Variants in HVCN1 observed in about 807,000 individuals in gnomAD.
HVCN1 encodes hydrogen voltage gated channel 1.
HVCN1 carries 14 observed loss-of-function variants against 29.2 expected under a neutral mutation model. The observed-to-expected ratio is 0.48, with a 90% CI of 0.32 to 0.75. The LOEUF (loss-of-function observed/expected upper bound fraction) is 0.75, where lower values mean the gene tolerates loss of function less well. Ranked by LOEUF, HVCN1 falls within the 30% of genes least tolerant of loss-of-function variation. HVCN1 has a pLI of 0.04. For missense variants in HVCN1, 263 were observed against 341.8 expected (o/e 0.77, Z 1.82); for synonymous variants, 131 against 133.2 (o/e 0.98, Z 0.11).
chr12:110,681,815 G>A (rs2068986777), intron 3 of HVCN1, among the ~76,000 whole-genome samples: 1 of 152,256 alleles, frequency 6.6e-6, no homozygotes, highest in East Asian at 1.9e-4. Flanking sequence ...AACAGCTGAT[G>A]TGAAAGTCAA....
At chr12:110,699,969 T>C (rs2069547160) in intron 2 of HVCN1, among the ~76,000 whole-genome samples, 1 of 151,690 alleles carries the variant, frequency 6.6e-6, no homozygotes, top group Non-Finnish European at 1.5e-5. Context: ...TTCTTCCTCC[T>C]GGTCCAAGAG....
At chr12:110,681,994 G>GT (rs533765094) in intron 3 of HVCN1, among the ~76,000 whole-genome samples, 45 of 150,912 alleles carry the variant, frequency 3.0e-4, no homozygotes, top group African/African-American at 7.5e-4. Flanking sequence ...CCCAATTTCT[G>GT]TTTTTTTTTG....
chr12:110,661,013 G>A lies in HVCN1; in HGVS notation c.306+151C>T. Reference sequence around the variant, plus strand: ...ATCTGCCTACCGCATTCCCAGCACGGTACAGGGTCCCCGGCACGTGGTAGG... The same window carrying A: ...ATCTGCCTACCGCATTCCCAGCACGATACAGGGTCCCCGGCACGTGGTAGG... On this transcript the variant is annotated intron_variant, in intron 4 of 7. Transcript: ENST00000242607. This position sits in a 1 kb window ranked among gnomAD's most constrained non-coding sequence, Gnocchi z 6.2. The A allele has an allele frequency of 1.3e-6, 1 of 759,274 alleles. No homozygotes were observed. Among genetic ancestry groups the A allele is most frequent in the Non-Finnish European group, 2.2e-6 (1 of 450,198 alleles). The allele number at this position is 759,274 out of a possible 1,614,324, so 47.0% of individuals were successfully genotyped here.
rs530195983 is a variant in HVCN1, at chr12:110,667,204, G to A, written c.22-5756C>T. 4.6e-5 allele frequency among the ~76,000 whole-genome samples: 7 copies of A among 152,170 alleles called. No homozygotes were observed. In the East Asian group the frequency reaches 5.8e-4, roughly 13 times the overall value. ...TGCTGGAGTGCAGTGGCATGATCTC[G>A]GCTCACTGCAACCTCCACCTCCTGG... On this transcript the variant is annotated intron_variant, in intron 3 of 7. Coordinates refer to ENST00000242607, the MANE Select transcript of HVCN1 (RefSeq NM_032369.4).
In HVCN1 at chr12:110,661,495, CAG is replaced by C; in HGVS notation, c.22-49_22-48del. On this transcript the variant is annotated intron_variant, in intron 3 of 7. Transcript: ENST00000242607. This position sits in a 1 kb window ranked among gnomAD's most constrained non-coding sequence, Gnocchi z 6.2. ...CAAGAGCTTCAGGCAGTTGGCCACT[CAG>C]AGCCCACATGGCCCAGGCCGGGCCA... 1.3e-6 allele frequency: 2 copies of C among 1,587,898 alleles called. No homozygotes were observed. The highest frequency in any genetic ancestry group is 1.7e-6 in the Non-Finnish European group (2 of 1,164,068).
At chr12:110,649,909 G>A (rs1037970569) in intron 7 of HVCN1, among the ~76,000 whole-genome samples, 3 of 152,032 alleles carry the variant, frequency 2.0e-5, no homozygotes, top group Non-Finnish European at 2.9e-5. Context: ...GCAATGGCGC[G>A]ATCTTGGCTC....
rs558506021 is a variant in HVCN1 at position 110,686,528 on chromosome 12, ACCAC to A, written c.-20+2093_-20+2096del. On this transcript the variant is annotated intron_variant, in intron 2 of 7. Coordinates refer to ENST00000242607, the MANE Select transcript of HVCN1 (RefSeq NM_032369.4). ...CGAGAGGGGCTCAAGTGGAACCATC[ACCAC>A]AAGAGGAGGTGAAGGGAAAAATTAA... Among the ~76,000 whole-genome samples the A allele has an allele frequency of 9.9e-5, 15 of 152,202 alleles. No individual in the cohort carries two copies. The South Asian group carries it at 3.1e-3, about 32-fold the overall frequency.
chr12:110,661,054 C>T lies in HVCN1; in HGVS notation c.306+110G>A, dbSNP rs1034131565. 52 of 1,052,668 alleles carry T rather than the reference C, an allele frequency of 4.9e-5. No homozygotes were observed. The highest frequency in any genetic ancestry group is 7.0e-5 in the Non-Finnish European group (50 of 709,374). 65.2% of individuals were successfully genotyped at this position (1,052,668 alleles called of 1,614,324 possible). The stretch of plus-strand genomic sequence containing the variant: ...ACGTGGTAGGTGCTGGGCAAACACT[C>T]GTAGAATGAATGAGGCAGTGGCCAA... On this transcript the variant is annotated intron_variant, in intron 4 of 7. Coordinates refer to ENST00000242607, the MANE Select transcript of HVCN1 (RefSeq NM_032369.4). This position sits in a 1 kb window ranked among gnomAD's most constrained non-coding sequence, Gnocchi z 6.2.
intron 3 of HVCN1, chr12:110,683,017 G>A: frequency 1.6e-6 from 1 of 627,918 alleles, no homozygotes; most frequent in East Asian, 2.9e-5. Context: ...ACAGGGCTGG[G>A]ATTCAAATGG....
Position 110,655,552 on chromosome 12 carries a change from C to T in HVCN1, c.307-214G>A, listed in dbSNP as rs535280896. The stretch of plus-strand genomic sequence containing the variant: ...TGATAGAAGCTGCCAGCCTCCTTCC[C>T]GCCACCCTCCTGGCCTGCTCTGCCT... On this transcript the variant is annotated intron_variant, in intron 4 of 7. Coordinates refer to ENST00000242607, the MANE Select transcript of HVCN1 (RefSeq NM_032369.4). 1.8e-3 allele frequency among the ~76,000 whole-genome samples: 271 copies of T among 152,280 alleles called. 4 individuals carry two copies. Among genetic ancestry groups the T allele is most frequent in the Middle Eastern group, 3.4e-3 (1 of 294 alleles).
chr12:110,650,115 G>T, intron 7 of HVCN1, 53 bp downstream of exon 7: 1 of 1,248,976 alleles, frequency 8.0e-7, no homozygotes, highest in Non-Finnish European at 1.2e-6. Flanking sequence ...AAAGTGCTAG[G>T]ATTACAGGCA....
At chr12:110,704,186 G>A (rs1359605996) in intron 1 of HVCN1, among the ~76,000 whole-genome samples, 12 of 152,094 alleles carry the variant, frequency 7.9e-5, no homozygotes, top group Non-Finnish European at 1.5e-4. Flanking sequence ...CTAAAAGTCC[G>A]TCCATGGGGG....
chr12:110,703,763 C>A (rs2069583824), intron 1 of HVCN1, among the ~76,000 whole-genome samples: 1 of 152,126 alleles, frequency 6.6e-6, no homozygotes, highest in Non-Finnish European at 1.5e-5. Flanking sequence ...CGGCTCACTG[C>A]AACCTCTGCC....
intron 4 of HVCN1, among the ~76,000 whole-genome samples, chr12:110,656,095 G>A (rs1340540218): frequency 2.6e-5 from 4 of 152,164 alleles, no homozygotes; most frequent in Admixed American, 6.5e-5. Context: ...GCCCTGCCTC[G>A]GCAGTCCGAG....
upstream of HVCN1, among the ~76,000 whole-genome samples, chr12:110,690,604 A>C (rs2069383565): frequency 6.6e-6 from 1 of 151,444 alleles, no homozygotes; most frequent in Admixed American, 6.6e-5. Context: ...AAGCCTCCCG[A>C]GTAGCTATGA....
At chr12:110,699,175 C>CTTTGCTGGGA (rs1353739963) in intron 2 of HVCN1, among the ~76,000 whole-genome samples, 86 of 152,238 alleles carry the variant, frequency 5.6e-4, no homozygotes, top group African/African-American at 2.0e-3. Context: ...CAGACTTGAC[C>CTTTGCTGGGA]TTTGCTGGGA....
intron 2 of HVCN1, among the ~76,000 whole-genome samples, chr12:110,683,925 A>AG (rs2069085189): frequency 1.7e-5 from 2 of 117,520 alleles, no homozygotes; most frequent in African/African-American, 7.9e-5. Context: ...AAAAAAAAAA[A>AG]GGAAAAAAAA....
Position 110,649,273 on chromosome 12 carries a change from A to T in HVCN1, c.*137T>A. ...CTTCCACAAGGCTGTGTCCACCCAG[A>T]ATCCATGCTGGCAGGAGGGAGGCAG... On this transcript the variant is annotated 3_prime_UTR_variant, in exon 8 of 8. Transcript: ENST00000242607. The T allele has an allele frequency of 1.4e-6, 1 of 715,770 alleles. No individual in the cohort carries two copies. The highest frequency in any genetic ancestry group is 2.5e-6 in the Non-Finnish European group (1 of 396,682). The allele number at this position is 715,770 out of a possible 1,614,324, so 44.3% of individuals were successfully genotyped here.
intron 3 of HVCN1, among the ~76,000 whole-genome samples, chr12:110,669,664 C>T (rs1200495470): frequency 2.0e-5 from 3 of 152,170 alleles, no homozygotes; most frequent in African/African-American, 7.2e-5. Context: ...GTGTACGTCA[C>T]ACTGTCTTAA....
Sources: allele counts gnomAD v4.1 joint callset (sites outside exome capture counted in the v4.1 genomes callset), GRCh38; gene constraint gnomAD v4.1.1; non-coding constraint Gnocchi (gnomAD v3.1); transcripts MANE v1.5; gene names NCBI Gene and HGNC (gene_info 2026-07-23, HGNC 2026-07-21).